ZFAND3: variants seen among roughly 807,000 people sequenced by gnomAD.
The protein encoded by ZFAND3 is AN1-type zinc finger protein 3.
In ZFAND3, 10 loss-of-function variants were observed where a neutral mutation model predicts 29.6. The ratio of observed to expected loss-of-function variants is 0.34; its 90% CI spans 0.21 to 0.57. ZFAND3 has a LOEUF of 0.57. Ranked by LOEUF, ZFAND3 falls within the 20% of genes least tolerant of loss-of-function variation. ZFAND3 has a pLI of 0.86. For missense variants in ZFAND3, 230 were observed against 304.5 expected, an observed-to-expected ratio of 0.76 and a Z score of 1.82; for synonymous variants, 128 against 112.6, an observed-to-expected ratio of 1.14 and a Z score of -0.87.
intron 4 of ZFAND3, among the ~76,000 whole-genome samples, chr6:38,111,834 C>G (rs1387852810): frequency 6.6e-6 from 1 of 152,096 alleles, no homozygotes; most frequent in Non-Finnish European, 1.5e-5. Flanking sequence ...GGTCAGCGCC[C>G]CAAACCCCAT....
At chr6:37,950,124 T>C (rs1761970546) in intron 2 of ZFAND3, among the ~76,000 whole-genome samples, 1 of 152,244 alleles carries the variant, frequency 6.6e-6, no homozygotes. Context: ...TGATAATTTC[T>C]TTTGACGTGC....
chr6:38,094,381 G>A (rs1396757374), intron 4 of ZFAND3, among the ~76,000 whole-genome samples: 1 of 150,900 alleles, frequency 6.6e-6, no homozygotes, highest in South Asian at 2.1e-4. Context: ...TTTTTAATAA[G>A]ATTTCATTTT....
chr6:37,997,171 A>G (rs1411412168), intron 2 of ZFAND3, among the ~76,000 whole-genome samples: 1 of 152,206 alleles, frequency 6.6e-6, no homozygotes, highest in Admixed American at 6.5e-5. Context: ...AATAGTAGAA[A>G]GGGGTTTAGT....
intron 4 of ZFAND3, among the ~76,000 whole-genome samples, chr6:38,109,314 C>G (rs1005511287): frequency 1.3e-5 from 2 of 151,934 alleles, no homozygotes; most frequent in Non-Finnish European, 2.9e-5. Flanking sequence ...TCCTGAGTAG[C>G]CAGAACTACA....
intron 3 of ZFAND3, among the ~76,000 whole-genome samples, chr6:38,064,159 C>A (rs1231274923): frequency 3.9e-5 from 6 of 152,230 alleles, no homozygotes; most frequent in Admixed American, 2.6e-4. Flanking sequence ...GTTAAGAACT[C>A]CTGGTCTAAG....
chr6:37,983,835 G>A (rs1036041075), intron 2 of ZFAND3, among the ~76,000 whole-genome samples: 4 of 152,194 alleles, frequency 2.6e-5, no homozygotes, highest in Non-Finnish European at 4.4e-5. Flanking sequence ...TAAGTGTGTA[G>A]TAGGCTATAC....
intron 2 of ZFAND3, among the ~76,000 whole-genome samples, chr6:37,976,769 C>CT (rs1762486226): frequency 6.6e-6 from 1 of 152,058 alleles, no homozygotes; most frequent in Non-Finnish European, 1.5e-5. Context: ...AAGGGCCACA[C>CT]TTTAACACCA....
intron 2 of ZFAND3, among the ~76,000 whole-genome samples, chr6:37,940,512 T>TAGATCTA (rs1177554381): frequency 3.9e-5 from 6 of 152,256 alleles, no homozygotes; most frequent in Non-Finnish European, 8.8e-5. Context: ...CAGTGTAAAG[T>TAGATCTA]AGATCTAACT....
rs567547135 is a variant in ZFAND3, at chr6:37,935,444, T to C, written c.112+5445T>C. Among the ~76,000 whole-genome samples, 183 of 152,328 alleles carry C rather than the reference T, an allele frequency of 1.2e-3. 1 individual carries two copies. Among genetic ancestry groups the C allele is most frequent in the Non-Finnish European group, 2.3e-3 (156 of 68,038 alleles). ...TAAAAAGCGAGAAAATTTTATGACATAGTTATGGCAAATTAACATTTATTG... is the reference window on the plus strand; with the variant it reads ...TAAAAAGCGAGAAAATTTTATGACACAGTTATGGCAAATTAACATTTATTG... On this transcript the variant is annotated intron_variant, in intron 2 of 5. Transcript: ENST00000287218.
intron 1 of ZFAND3, among the ~76,000 whole-genome samples, chr6:37,852,303 C>T (rs1764295090): frequency 6.6e-6 from 1 of 152,162 alleles, no homozygotes; most frequent in African/African-American, 2.4e-5. Context: ...CTAATGGCAT[C>T]TATTCAGTAG....
At chr6:38,026,945 A>G (rs1301583676) in intron 2 of ZFAND3, among the ~76,000 whole-genome samples, 4 of 152,208 alleles carry the variant, frequency 2.6e-5, no homozygotes, top group Admixed American at 6.5e-5. Context: ...TTTTGAATCA[A>G]TTAGTGTTTA....
intron 2 of ZFAND3, among the ~76,000 whole-genome samples, chr6:38,026,523 A>G (rs1429040573): frequency 7.3e-6 from 1 of 136,850 alleles, no homozygotes; most frequent in Non-Finnish European, 1.5e-5. Context: ...CTCTGCCTCC[A>G]GGTTCAAGTG....
At chr6:38,063,011 C>G (rs1469690096) in intron 3 of ZFAND3, among the ~76,000 whole-genome samples, 1 of 151,832 alleles carries the variant, frequency 6.6e-6, no homozygotes, top group Non-Finnish European at 1.5e-5. Context: ...ATCTCTTGAG[C>G]CCAGGAGTTC....
Position 37,819,984 on chromosome 6 carries a change from C to T in ZFAND3, c.39C>T (p.Ser13=), listed in dbSNP as rs1167913985. The T allele has an allele frequency of 4.9e-6, 6 of 1,222,358 alleles. No individual in the cohort carries two copies. The highest frequency in any genetic ancestry group is 4.0e-5 in the South Asian group (1 of 25,260). 75.7% of individuals were successfully genotyped at this position (1,222,358 alleles called of 1,614,324 possible). ...GGAGCGAGCGCAGCAAAGCGCCCAG[C>T]CTGCCGCCTCGCTGTCCCTGCGGCT... is the stretch of plus-strand genomic sequence containing the variant. ...DAGSERSKAP[S]LPPRCPCGFW... Residue 13 remains serine, a synonymous_variant, in exon 1 of 6, where the codon AGC becomes AGT. Coordinates refer to ENST00000287218, the MANE Select transcript of ZFAND3 (RefSeq NM_021943.3).
At chr6:37,824,053 G>A (rs191853468) in intron 1 of ZFAND3, among the ~76,000 whole-genome samples, 2 of 152,176 alleles carry the variant, frequency 1.3e-5, no homozygotes, top group Admixed American at 6.5e-5. Flanking sequence ...TGGGATTACC[G>A]GCGTGAGCCA....
intron 2 of ZFAND3, among the ~76,000 whole-genome samples, chr6:37,932,093 A>AC (rs1381650229): frequency 1.3e-5 from 2 of 151,888 alleles, no homozygotes; most frequent in African/African-American, 4.8e-5. Flanking sequence ...ACATGGCGAA[A>AC]CCCCGTCTCT....
chr6:38,091,473 ATTTTTTTTTTTTTT>A (rs5875611), intron 4 of ZFAND3, among the ~76,000 whole-genome samples: 11 of 73,682 alleles, frequency 1.5e-4, no homozygotes, highest in African/African-American at 5.2e-4. Flanking sequence ...AAACTTTAGG[ATTTTTTTTTTTTTT>A]TTTTTTTTTT....
At chr6:37,913,368 C>T (rs1403789678) in intron 1 of ZFAND3, among the ~76,000 whole-genome samples, 1 of 152,194 alleles carries the variant, frequency 6.6e-6, no homozygotes, top group Non-Finnish European at 1.5e-5. Context: ...ACAACATCTT[C>T]AGGAGTAGAT....
intron 2 of ZFAND3, among the ~76,000 whole-genome samples, chr6:37,932,549 C>T (rs1399192125): frequency 6.6e-6 from 1 of 152,036 alleles, no homozygotes; most frequent in Non-Finnish European, 1.5e-5. Flanking sequence ...TATATTTGTC[C>T]CCACATGGAG....
Sources: allele counts gnomAD v4.1 joint callset (sites outside exome capture counted in the v4.1 genomes callset), GRCh38; gene constraint gnomAD v4.1.1; transcripts MANE v1.5; gene names NCBI Gene and HGNC (gene_info 2026-07-23, HGNC 2026-07-21).